Variants in LHFPL3 observed in about 807,000 individuals in gnomAD.
LHFPL3 encodes LHFPL tetraspan subfamily member 3 protein.
LHFPL3 carries 5 observed loss-of-function variants against 19.3 expected under a neutral mutation model. The observed-to-expected ratio is 0.26, with a 90% CI of 0.14 to 0.54. The LOEUF is 0.54. Among genes scored for constraint, LHFPL3 ranks in the 20% least tolerant of loss-of-function variants. LHFPL3 has a pLI of 0.94. For missense variants in LHFPL3, 249 were observed against 307.4 expected, an observed-to-expected ratio of 0.81 and a Z score of 1.42; for synonymous variants, 133 against 126.2, an observed-to-expected ratio of 1.05 and a Z score of -0.36.
rs2116336615 is a variant in LHFPL3, at chr7:104,328,665, G to A, written c.-115G>A. The stretch of plus-strand genomic sequence containing the variant: ...TCTGAAACTGGTGCTGCTGGGCTGA[G>A]GCGGAGGCAGGGGAGTTGCAGCGCG... On this transcript the variant is annotated 5_prime_UTR_variant, in exon 1 of 3. Transcript: ENST00000424859. The surrounding 1 kb of genome is among the most constrained non-coding windows in gnomAD (Gnocchi z 4.6). 1 of 874,890 alleles carries A rather than the reference G, an allele frequency of 1.1e-6. No individual in the cohort carries two copies. The highest frequency in any genetic ancestry group is 1.8e-6 in the Non-Finnish European group (1 of 564,104). The allele number at this position is 874,890 out of a possible 1,614,324, so 54.2% of individuals were successfully genotyped here.
chr7:104,436,756 C>A (rs2116570960), intron 1 of LHFPL3, among the ~76,000 whole-genome samples: 1 of 152,274 alleles, frequency 6.6e-6, no homozygotes, highest in South Asian at 2.1e-4. Context: ...CAAAGGATTT[C>A]ACTGAAACTT....
chr7:104,894,117 A>G lies in LHFPL3; in HGVS notation c.683-12070A>G, dbSNP rs1353840717. The stretch of plus-strand genomic sequence containing the variant: ...GTTAAATCTAAGTAAAACACCCAAC[A>G]AACAGCAGAGCCGGACCTAATCTGC... On this transcript the variant is annotated intron_variant, in intron 2 of 2. Transcript: ENST00000424859. Among the ~76,000 whole-genome samples the G allele has an allele frequency of 3.9e-5, 6 of 152,306 alleles. No homozygotes were observed. In the East Asian group the frequency reaches 9.6e-4, roughly 24 times the overall value.
chr7:104,881,921 CA>C (rs768700232), intron 2 of LHFPL3, among the ~76,000 whole-genome samples: 1 of 152,142 alleles, frequency 6.6e-6, no homozygotes, highest in Non-Finnish European at 1.5e-5. Flanking sequence ...AAAATTCGTT[CA>C]TTAATTTATT....
intron 1 of LHFPL3, among the ~76,000 whole-genome samples, chr7:104,721,862 G>C (rs1177759817): frequency 6.6e-6 from 1 of 151,992 alleles, no homozygotes; most frequent in African/African-American, 2.4e-5. Context: ...CCCCATACAT[G>C]GTAAATGTTC....
intron 1 of LHFPL3, among the ~76,000 whole-genome samples, chr7:104,420,516 A>C (rs1016167082): frequency 9.2e-5 from 14 of 152,018 alleles, no homozygotes; most frequent in Non-Finnish European, 1.8e-4. Context: ...GATTTCACTT[A>C]AGCTGTACGT....
chr7:104,362,246 G>T (rs967436177), intron 1 of LHFPL3, among the ~76,000 whole-genome samples: 2 of 152,156 alleles, frequency 1.3e-5, no homozygotes, highest in East Asian at 1.9e-4. Flanking sequence ...TATTGAGCTG[G>T]GTAACCTGCA....
intron 1 of LHFPL3, among the ~76,000 whole-genome samples, chr7:104,603,183 CTTCCTTT>C (rs1172103837): frequency 5.2e-4 from 66 of 127,200 alleles, no homozygotes; most frequent in East Asian, 3.6e-3. Flanking sequence ...TTCTTTCTTT[CTTCCTTT>C]CTTTCTTTCT....
chr7:104,748,621 C>A lies in LHFPL3; in HGVS notation c.682+11710C>A, dbSNP rs1049606772. 3.3e-5 allele frequency among the ~76,000 whole-genome samples: 5 copies of A among 150,400 alleles called. No individual in the cohort carries two copies. The Admixed American group carries it at 3.3e-4, about 10-fold the overall frequency. On this transcript the variant is annotated intron_variant, in intron 2 of 2. Coordinates refer to ENST00000424859, the MANE Select transcript of LHFPL3 (RefSeq NM_199000.3). ...TTTACATTGTCTATGATGCAAAGAC[C>A]TTTGTTCACGTGTTTGTCTGCTGAC...
At chr7:104,821,122 A>T (rs1270576306) in intron 2 of LHFPL3, among the ~76,000 whole-genome samples, 1 of 152,044 alleles carries the variant, frequency 6.6e-6, no homozygotes, top group African/African-American at 2.4e-5. Context: ...TTCTGCTTTT[A>T]AAAAAAATGT....
intron 1 of LHFPL3, among the ~76,000 whole-genome samples, chr7:104,576,599 A>C (rs1456150796): frequency 7.9e-5 from 12 of 152,172 alleles, no homozygotes; most frequent in Admixed American, 7.9e-4. Context: ...CTCCCAGGGC[A>C]GACCTATTGA....
At chr7:104,598,279 T>A (rs1790901851) in intron 1 of LHFPL3, among the ~76,000 whole-genome samples, 1 of 152,134 alleles carries the variant, frequency 6.6e-6, no homozygotes, top group Non-Finnish European at 1.5e-5. Context: ...AAATTAAAGT[T>A]GAGAAAACTT....
At chr7:104,336,674 C>T (rs60323281) in intron 1 of LHFPL3, among the ~76,000 whole-genome samples, 6,623 of 152,178 alleles carry the variant, frequency 0.044, 450 homozygotes, top group African/African-American at 0.15. Context: ...TCTGATATCT[C>T]CCCCACCCTA....
chr7:104,880,311 C>T (rs1455782084), intron 2 of LHFPL3, among the ~76,000 whole-genome samples: 1 of 152,048 alleles, frequency 6.6e-6, no homozygotes, highest in East Asian at 1.9e-4. Context: ...ATTGGCTCCC[C>T]CTTTACCTTC....
chr7:104,339,620 G>A (rs1202201155), intron 1 of LHFPL3, among the ~76,000 whole-genome samples: 1 of 152,214 alleles, frequency 6.6e-6, no homozygotes, highest in African/African-American at 2.4e-5. Context: ...TTTCTTTAGT[G>A]TAAGTCTTCA....
intron 2 of LHFPL3, among the ~76,000 whole-genome samples, chr7:104,778,777 A>C (rs982909059): frequency 1.3e-5 from 2 of 152,232 alleles, no homozygotes; most frequent in African/African-American, 4.8e-5. Flanking sequence ...AGGCTGCAAC[A>C]CTTACACACT....
chr7:104,619,432 T>G, intron 1 of LHFPL3, among the ~76,000 whole-genome samples: 1 of 152,174 alleles, frequency 6.6e-6, no homozygotes, highest in East Asian at 1.9e-4. Context: ...CCCTTTTTCT[T>G]TTTTTTCAGA....
At chr7:104,569,237 A>G (rs796172320) in intron 1 of LHFPL3, among the ~76,000 whole-genome samples, 5 of 152,310 alleles carry the variant, frequency 3.3e-5, no homozygotes, top group African/African-American at 4.8e-5. Context: ...CCATTACAGT[A>G]TGCAATAAGT....
At position 104,906,858 on chromosome 7, in the gene LHFPL3, A is replaced by C. The variant is rs1302336979; in HGVS notation, c.*643A>C. The C allele has an allele frequency of 4.6e-5, 7 of 152,752 alleles. No individual in the cohort carries two copies. The highest frequency in any genetic ancestry group is 1.0e-4 in the Non-Finnish European group (7 of 68,124). 9.5% of individuals were successfully genotyped at this position (152,752 alleles called of 1,614,324 possible). A position where few individuals can be genotyped will look rare whatever the true frequency, so the allele number is the denominator to read the frequency against. On this transcript the variant is annotated 3_prime_UTR_variant, in exon 3 of 3. Coordinates refer to ENST00000424859, the MANE Select transcript of LHFPL3 (RefSeq NM_199000.3). ...TTTTTACCAAGTCTGTGTTCTGTTT[A>C]ATCTGTCCATACAAGTTATTACTGA...
chr7:104,472,920 A>G (rs1792939063), intron 1 of LHFPL3, among the ~76,000 whole-genome samples: 1 of 152,252 alleles, frequency 6.6e-6, no homozygotes. Context: ...TTTGAGCCTG[A>G]TCAGAATAAA....
Sources: allele counts gnomAD v4.1 joint callset (sites outside exome capture counted in the v4.1 genomes callset), GRCh38; gene constraint gnomAD v4.1.1; non-coding constraint Gnocchi (gnomAD v3.1); transcripts MANE v1.5; gene names NCBI Gene and HGNC (gene_info 2026-07-23, HGNC 2026-07-21).